Variants in ZNF335 observed in about 807,000 individuals in gnomAD.
ZNF335 encodes the protein NRC-interacting factor 1.
A neutral mutation model predicts 145.6 loss-of-function variants in ZNF335; 84 were observed. The observed-to-expected ratio is 0.58, with a 90% CI of 0.48 to 0.69. The LOEUF is 0.69. ZNF335 is among the 30% of genes least tolerant of loss of function. The probability of loss-of-function intolerance (pLI) is 0.00; values close to 1 mark genes in which losing one functional copy is unlikely to be tolerated. For synonymous variants in ZNF335, 761 were observed against 717.0 expected (o/e 1.06, Z -0.98); for missense variants, 1,865 against 1,809.7 (o/e 1.03, Z -0.55).
At position 45,949,167 on chromosome 20, in the gene ZNF335, T is replaced by A. The variant is rs753798270; in HGVS notation, c.3901+3A>T. 1.2e-6 allele frequency: 2 copies of A among 1,613,662 alleles called. No individual in the cohort carries two copies. The highest frequency in any genetic ancestry group is 4.5e-5 in the East Asian group (2 of 44,866). ...CCATGCTCCTCAGGATCCAGCTCCA[T>A]ACCTGTGACAGCTGAGTGTGCTGCA... On this transcript the variant is annotated splice_donor_region_variant and intron_variant, in intron 27 of 27. Coordinates refer to ENST00000322927, the MANE Select transcript of ZNF335 (RefSeq NM_022095.4).
intron 24 of ZNF335, 101 bp downstream of exon 24, chr20:45,949,699 C>T (rs2083592272): frequency 6.7e-7 from 1 of 1,499,178 alleles, no homozygotes; most frequent in Non-Finnish European, 9.2e-7. Context: ...AAGCATGGAC[C>T]CCAGGAGGGG....
chr20:45,968,120 G>A, intron 4 of ZNF335, 93 bp from the exon 5 acceptor site: 2 of 1,559,094 alleles, frequency 1.3e-6, no homozygotes, highest in Non-Finnish European at 1.8e-6. Flanking sequence ...CCCAGGGAGT[G>A]CAGAACCAAA....
chr20:45,950,611 A>G lies in ZNF335; in HGVS notation c.3190-16T>C. On this transcript the variant is annotated splice_polypyrimidine_tract_variant and intron_variant, in intron 20 of 27. Coordinates refer to ENST00000322927, the MANE Select transcript of ZNF335 (RefSeq NM_022095.4). ...CCATGTGCGCCTGCAGAGAGGGCAG[A>G]GTTGGGGGCATTGGCTGGGTCAGGA... 1 of 1,613,494 alleles carries G rather than the reference A, an allele frequency of 6.2e-7. No homozygotes were observed. The highest frequency in any genetic ancestry group is 8.5e-7 in the Non-Finnish European group (1 of 1,179,714).
intron 22 of ZNF335, 32 bp from the exon 23 acceptor site, chr20:45,950,101 G>A (rs921717420): frequency 1.9e-6 from 3 of 1,611,176 alleles, no homozygotes; most frequent in Non-Finnish European, 2.5e-6. Flanking sequence ...CTCACCTGGG[G>A]TCCAGGAAAA....
intron 24 of ZNF335, 93 bp downstream of exon 24, chr20:45,949,707 G>A (rs2083592472): frequency 6.6e-7 from 1 of 1,512,380 alleles, no homozygotes. Flanking sequence ...ACCCCAGGAG[G>A]GGTGGTTTGG....
chr20:45,971,514 G>C (rs1020236689), intron 1 of ZNF335, 54 bp from the exon 2 acceptor site: 1 of 1,519,418 alleles, frequency 6.6e-7, no homozygotes, highest in Admixed American at 2.0e-5. Context: ...CCCAGCCCCG[G>C]CAACCACGGC....
At chr20:45,966,833 G>C (rs556015506) in intron 6 of ZNF335, 1 of 151,292 alleles carries the variant, frequency 6.6e-6, no homozygotes, top group African/African-American at 2.4e-5. Flanking sequence ...GATTACAGGA[G>C]TGAGCCACCA....
At chr20:45,951,370 A>C (rs2083628310) in intron 20 of ZNF335, among the ~76,000 whole-genome samples, 1 of 152,248 alleles carries the variant, frequency 6.6e-6, no homozygotes, top group South Asian at 2.1e-4. Flanking sequence ...AACCTGCCCC[A>C]GAACTGGCCC....
intron 10 of ZNF335, chr20:45,961,822 C>T (rs1044474465): frequency 1.2e-4 from 55 of 448,784 alleles, no homozygotes; most frequent in Middle Eastern, 6.0e-4. Context: ...CAACTGTCCC[C>T]GTTTGATGAG....
chr20:45,958,840 T>C (rs770181106), intron 15 of ZNF335, among the ~76,000 whole-genome samples: 5 of 152,156 alleles, frequency 3.3e-5, no homozygotes, highest in Non-Finnish European at 7.3e-5. Flanking sequence ...TACTGGACCA[T>C]GAGGCAACTA....
intron 20 of ZNF335, 70 bp from the exon 21 acceptor site, chr20:45,950,665 C>A: frequency 6.3e-7 from 1 of 1,586,348 alleles, no homozygotes; most frequent in East Asian, 2.3e-5. Flanking sequence ...CGGATCCCTG[C>A]TGACAGCTGG....
At chr20:45,969,734 G>A (rs781496817) in intron 2 of ZNF335, 43 bp from the exon 3 acceptor site, 40 of 1,598,898 alleles carry the variant, frequency 2.5e-5, no homozygotes, top group Non-Finnish European at 3.3e-5. Context: ...TAGCAGCTGG[G>A]TATGGGGCAG....
Position 45,967,625 on chromosome 20 carries a change from G to A in ZNF335, c.824C>T (p.Ala275Val), listed in dbSNP as rs1338423513. 1 of 1,614,018 alleles carries A rather than the reference G, an allele frequency of 6.2e-7. No homozygotes were observed. The highest frequency in any genetic ancestry group is 1.3e-5 in the African/African-American group (1 of 75,038). Residue 275 changes from alanine (A) to valine (V), a missense_variant, in exon 6 of 28, where the codon GCC (alanine) becomes GTC (valine). By Grantham distance (64) the Ala-to-Val change is moderately conservative (BLOSUM62 0). Coordinates refer to ENST00000322927, the MANE Select transcript of ZNF335 (RefSeq NM_022095.4). ...TCCTTTTTTACCAGCTGCTGCTGCG[G>A]CTGCTGCTACTGGAAGTGGAGGGAG... ...RERHFRPVAA[A>V]AAAAGKKGRL...
chr20:45,952,680 G>A lies in ZNF335; in HGVS notation c.2732C>T (p.Ala911Val). 6.2e-7 allele frequency: 1 copy of A among 1,613,770 alleles called. No homozygotes were observed. The highest frequency in any genetic ancestry group is 8.5e-7 in the Non-Finnish European group (1 of 1,180,016). ...SEEPAGEAAQAVVVSDTLKEA... is the reference protein window; with the variant it reads ...SEEPAGEAAQVVVVSDTLKEA... ...TTTTAGGGTGTCACTCACAACCACA[G>A]CCTGGGCTGCCTCTCCTGCGGGCTC... Residue 911 changes from alanine (A) to valine (V), a missense_variant, in exon 19 of 28, where the codon GCT becomes GTT. By Grantham distance (64) the Ala-to-Val change is moderately conservative. Coordinates refer to ENST00000322927, the MANE Select transcript of ZNF335 (RefSeq NM_022095.4).
rs576163218 is a variant in ZNF335, at chr20:45,967,485, G to A, written c.955+9C>T. Reference sequence around the variant, plus strand: ...AGGGATGGCAGGCCTAGAAACCATGGTGGCCTACCCTCCAGGTCATCAATG... The same window carrying A: ...AGGGATGGCAGGCCTAGAAACCATGATGGCCTACCCTCCAGGTCATCAATG... On this transcript the variant is annotated intron_variant, in intron 6 of 27. Transcript: ENST00000322927. 9.3e-6 allele frequency: 15 copies of A among 1,614,056 alleles called. No individual in the cohort carries two copies. In the South Asian group the frequency reaches 1.5e-4, roughly 17 times the overall value.
intron 15 of ZNF335, 31 bp downstream of exon 15, chr20:45,959,168 ACT>A (rs2083780912): frequency 5.3e-6 from 7 of 1,327,780 alleles, no homozygotes; most frequent in Non-Finnish European, 6.8e-6. Context: ...AAGCGGCCTC[ACT>A]CTGTCATCCT....
chr20:45,968,248 C>T, intron 4 of ZNF335, 37 bp downstream of exon 4: 1 of 1,602,440 alleles, frequency 6.2e-7, no homozygotes, highest in Non-Finnish European at 8.5e-7. Flanking sequence ...CCCCTGCCCA[C>T]TGCAGGCCTC....
chr20:45,971,270 C>T lies in ZNF335; in HGVS notation c.141G>A (p.Gly47=), dbSNP rs769593814. ...ADSSDAAAAP[G]QAEADDSGVG... ...CGCCAGAGTCATCGGCCTCTGCCTGCCCCGGGGCGGCCGCGGCGTCGCTGC... is the reference window on the plus strand; with the variant it reads ...CGCCAGAGTCATCGGCCTCTGCCTGTCCCGGGGCGGCCGCGGCGTCGCTGC... The change falls in exon 2 of 28, where the codon GGG becomes GGA. Residue 47 remains glycine (G), a synonymous_variant. Transcript: ENST00000322927. 2 of 1,569,764 alleles carry T rather than the reference C, an allele frequency of 1.3e-6. No individual in the cohort carries two copies. Among genetic ancestry groups the T allele is most frequent in the Non-Finnish European group, 8.6e-7 (1 of 1,163,350 alleles).
At chr20:45,949,663 C>T in intron 24 of ZNF335, 95 bp from the exon 25 acceptor site, 1 of 1,452,162 alleles carries the variant, frequency 6.9e-7, no homozygotes, top group Non-Finnish European at 9.4e-7. Flanking sequence ...CTAGGAACAG[C>T]CACCAGCAAC....
Sources: gnomAD v4.1 joint callset for allele counts (sites outside exome capture counted in the v4.1 genomes callset) on GRCh38, gnomAD v4.1.1 for gene constraint, MANE v1.5 for transcripts, NCBI Gene and HGNC (gene_info 2026-07-23, HGNC 2026-07-21) for gene names.